Variants in CPB2 observed in about 807,000 individuals in gnomAD.
CPB2 encodes carboxypeptidase B2, also known as carboxypeptidase B-like protein.
CPB2 carries 54 observed loss-of-function variants against 57.0 expected under a neutral mutation model. The ratio of observed to expected loss-of-function variants is 0.95; its 90% CI spans 0.76 to 1.19. The LOEUF (loss-of-function observed/expected upper bound fraction) is 1.19, where lower values mean the gene tolerates loss of function less well. Ranked by LOEUF, CPB2 falls within the 50% of genes most tolerant of loss-of-function variation. The pLI is 0.00. For missense variants in CPB2, 426 were observed against 512.0 expected (o/e 0.83, Z 1.62); for synonymous variants, 189 against 178.1 (o/e 1.06, Z -0.49).
chr13:46,077,467 C>T (rs917936046), intron 5 of CPB2, among the ~76,000 whole-genome samples: 2 of 152,124 alleles, frequency 1.3e-5, no homozygotes, highest in Non-Finnish European at 2.9e-5. Flanking sequence ...CCCTTGTACA[C>T]TGTTGGTAGG....
At chr13:46,081,278 T>C (rs2045112108) in intron 4 of CPB2, among the ~76,000 whole-genome samples, 1 of 152,216 alleles carries the variant, frequency 6.6e-6, no homozygotes, top group African/African-American at 2.4e-5. Context: ...ATAATTAAAA[T>C]ATGTTTTAAC....
intron 8 of CPB2, among the ~76,000 whole-genome samples, chr13:46,063,200 G>A (rs2044802007): frequency 6.6e-6 from 1 of 152,206 alleles, no homozygotes; most frequent in Admixed American, 6.5e-5. Flanking sequence ...GGGGGTACAT[G>A]TGCAGGTTTT....
rs2045194986 is a variant in CPB2, at chr13:46,085,833, C to A, written c.151-1490G>T. Among the ~76,000 whole-genome samples, 3 of 152,220 alleles carry A rather than the reference C, an allele frequency of 2.0e-5. No homozygotes were observed. The South Asian group carries it at 6.2e-4, about 31-fold the overall frequency. ...GCAGAAACCTCTGTGGTCAGTGGCG[C>A]CTTTGCCTAAGCTTTGCTCAGGCCC... On this transcript the variant is annotated intron_variant, in intron 2 of 10. Transcript: ENST00000181383.
intron 4 of CPB2, among the ~76,000 whole-genome samples, chr13:46,079,535 C>CAAAAAAAAAAAAAAAAAAAAA (rs58164990): frequency 1.8e-5 from 2 of 111,010 alleles, no homozygotes; most frequent in Non-Finnish European, 3.6e-5. Context: ...AAGGAAAAAG[C>CAAAAAAAAAAAAAAAAAAAAA]AAAAAAAAAA....
In CPB2 at chr13:46,053,610, G is replaced by A. The variant is rs760012922; in HGVS notation, c.*4C>T. On this transcript the variant is annotated 3_prime_UTR_variant, in exon 11 of 11. Transcript: ENST00000181383. ...ACGGAAGCAGAATGATAAAATCAGGGGCATTAAACATTCCTAATGACATGC... is the reference window on the plus strand; with the variant it reads ...ACGGAAGCAGAATGATAAAATCAGGAGCATTAAACATTCCTAATGACATGC... 2.5e-6 allele frequency: 4 copies of A among 1,607,516 alleles called. No homozygotes were observed. Among genetic ancestry groups the A allele is most frequent in the East Asian group, 4.5e-5 (2 of 44,774 alleles).
chr13:46,088,795 AT>A (rs2045248311), intron 1 of CPB2, among the ~76,000 whole-genome samples: 2 of 151,972 alleles, frequency 1.3e-5, no homozygotes, highest in South Asian at 4.1e-4. Flanking sequence ...GGCCATTCAT[AT>A]TTTTGCTTAT....
intron 4 of CPB2, among the ~76,000 whole-genome samples, chr13:46,079,516 T>C (rs1272082446): frequency 1.7e-5 from 1 of 60,524 alleles, no homozygotes; most frequent in Non-Finnish European, 3.3e-5. Context: ...TCTGTCAAGA[T>C]AATAGGGGAA....
chr13:46,053,804 A>T lies in CPB2; in HGVS notation c.1088-6T>A, dbSNP rs1302659753. 6.2e-7 allele frequency: 1 copy of T among 1,608,106 alleles called. No individual in the cohort carries two copies. Among genetic ancestry groups the T allele is most frequent in the Non-Finnish European group, 8.5e-7 (1 of 1,176,314 alleles). The stretch of plus-strand genomic sequence containing the variant: ...CCCACCTCCAGGAGCTAGGTCTAAA[A>T]GAAGAAGAAAGAAATTGTTGAAATA... On this transcript the variant is annotated splice_region_variant and splice_polypyrimidine_tract_variant and intron_variant, in intron 10 of 10. Coordinates refer to ENST00000181383, the MANE Select transcript of CPB2 (RefSeq NM_001872.5).
intron 2 of CPB2, among the ~76,000 whole-genome samples, chr13:46,086,424 G>A (rs2045205655): frequency 6.6e-6 from 1 of 152,170 alleles, no homozygotes; most frequent in Non-Finnish European, 1.5e-5. Context: ...TGCAGCCAGG[G>A]TGTCCTGATG....
At chr13:46,071,937 A>G (rs1411793534) in intron 6 of CPB2, among the ~76,000 whole-genome samples, 2 of 152,206 alleles carry the variant, frequency 1.3e-5, no homozygotes, top group African/African-American at 4.8e-5. Flanking sequence ...GCAGGAGGTT[A>G]GCAGTGAGAA....
chr13:46,096,031 C>T (rs1399822415), intron 1 of CPB2, among the ~76,000 whole-genome samples: 1 of 151,842 alleles, frequency 6.6e-6, no homozygotes, highest in Non-Finnish European at 1.5e-5. Flanking sequence ...CAGGCACGCA[C>T]CACCACACCT....
In CPB2 at chr13:46,073,954, G is replaced by T; in HGVS notation, c.510C>A (p.Ala170=). Residue 170 remains alanine, a synonymous_variant, in exon 6 of 11, where the codon GCC becomes GCA. Coordinates refer to ENST00000181383, the MANE Select transcript of CPB2 (RefSeq NM_001872.5). The part of the protein sequence containing the change: ...VLKVSGKEQA[A]KNAIWIDCGI... The stretch of plus-strand genomic sequence containing the variant: ...CACAGTCAATCCATATGGCATTTTT[G>T]GCTGCTTGTTCTTTTCCAGAAACCT... 6.3e-7 allele frequency: 1 copy of T among 1,587,902 alleles called. No homozygotes were observed. Among genetic ancestry groups the T allele is most frequent in the Non-Finnish European group, 8.6e-7 (1 of 1,159,622 alleles).
At chr13:46,089,735 A>G (rs2045263526) in intron 1 of CPB2, among the ~76,000 whole-genome samples, 1 of 152,070 alleles carries the variant, frequency 6.6e-6, no homozygotes. Context: ...TCCCCCTTCC[A>G]CCATGTGAAT....
intron 7 of CPB2, among the ~76,000 whole-genome samples, chr13:46,065,165 C>G (rs774255025): frequency 5.3e-5 from 8 of 152,180 alleles, no homozygotes; most frequent in Non-Finnish European, 8.8e-5. Flanking sequence ...AAAATGCTCT[C>G]TTTAGGTAGA....
chr13:46,057,194 A>T (rs1394477525), intron 9 of CPB2, among the ~76,000 whole-genome samples: 1 of 152,118 alleles, frequency 6.6e-6, no homozygotes, highest in African/African-American at 2.4e-5. Context: ...TACTTCCCAA[A>T]TCATGATAAA....
At chr13:46,078,428 T>G (rs534435851) in intron 5 of CPB2, among the ~76,000 whole-genome samples, 2 of 152,290 alleles carry the variant, frequency 1.3e-5, no homozygotes, top group Admixed American at 1.3e-4. Context: ...TAATGTCACA[T>G]AAACAGAAAC....
chr13:46,102,006 C>T (rs1566422145), intron 1 of CPB2, among the ~76,000 whole-genome samples: 1 of 152,212 alleles, frequency 6.6e-6, no homozygotes, highest in Non-Finnish European at 1.5e-5. Flanking sequence ...TTTTGTTGCA[C>T]ACATTACAGT....
At chr13:46,085,052 G>A (rs1048995029) in intron 2 of CPB2, among the ~76,000 whole-genome samples, 10 of 151,722 alleles carry the variant, frequency 6.6e-5, no homozygotes, top group African/African-American at 2.2e-4. Context: ...GGGTTTCACC[G>A]TGTTAGCCAG....
At chr13:46,080,143 A>T (rs1288097795) in intron 4 of CPB2, among the ~76,000 whole-genome samples, 1 of 152,242 alleles carries the variant, frequency 6.6e-6, no homozygotes, top group Non-Finnish European at 1.5e-5. Flanking sequence ...AAGCTGGGGT[A>T]ATAATGTAAC....
Sources: gnomAD v4.1 joint callset for allele counts (sites outside exome capture counted in the v4.1 genomes callset) on GRCh38, gnomAD v4.1.1 for gene constraint, MANE v1.5 for transcripts, NCBI Gene and HGNC (gene_info 2026-07-23, HGNC 2026-07-21) for gene names.